Variants in EIF3B observed in about 807,000 individuals in gnomAD.
EIF3B encodes the protein eukaryotic translation initiation factor 3 subunit 9.
A neutral mutation model predicts 104.6 loss-of-function variants in EIF3B; 10 were observed. The observed-to-expected ratio is 0.10, with a 90% CI of 0.06 to 0.16. EIF3B has a LOEUF of 0.16. EIF3B is among the 10% of genes least tolerant of loss of function. The pLI, the probability that EIF3B is intolerant of heterozygous loss-of-function variation, is 1.00. For synonymous variants in EIF3B, 542 were observed against 417.2 expected (o/e 1.30, Z -3.65); for missense variants, 1,014 against 1,087.9 (o/e 0.93, Z 0.96).
chr7:2,368,213 G>T (rs1394457576), intron 9 of EIF3B, among the ~76,000 whole-genome samples: 1 of 152,128 alleles, frequency 6.6e-6, no homozygotes, highest in Non-Finnish European at 1.5e-5. Flanking sequence ...CGTGATCTCG[G>T]CTGACTGCAG....
rs967142279 is a variant in EIF3B at position 2,380,629 on chromosome 7, C to T, written c.*440C>T. ...CATCCCCATTGCGGGCAGTGCTGGA[C>T]GTGTCCCGGAGACCCACCGGGAGGG... is the stretch of plus-strand genomic sequence containing the variant. On this transcript the variant is annotated 3_prime_UTR_variant, in exon 19 of 19. Coordinates refer to ENST00000360876, the MANE Select transcript of EIF3B (RefSeq NM_001037283.2). 22 of 291,372 alleles carry T rather than the reference C, an allele frequency of 7.6e-5. No homozygotes were observed. The highest frequency in any genetic ancestry group is 3.6e-4 in the Admixed American group (8 of 22,362). The allele number at this position is 291,372 out of a possible 1,614,324, so 18.0% of individuals were successfully genotyped here.
intron 6 of EIF3B, among the ~76,000 whole-genome samples, chr7:2,365,433 G>A (rs1023482741): frequency 3.3e-5 from 5 of 152,184 alleles, no homozygotes; most frequent in South Asian, 2.1e-4. Flanking sequence ...AGTGCGAGGC[G>A]AGCTGGGGCC....
chr7:2,380,664 G>A lies in EIF3B; in HGVS notation c.*475G>A. 1 of 229,600 alleles carries A rather than the reference G, an allele frequency of 4.4e-6. No individual in the cohort carries two copies. Among genetic ancestry groups the A allele is most frequent in the South Asian group, 4.3e-5 (1 of 23,036 alleles). 14.2% of individuals were successfully genotyped at this position (229,600 alleles called of 1,614,324 possible). ...AGACCCACCGGGAGGGCGCCGCCATGCCTTGTACCCCCACCGTGCAGGTTG... is the reference window on the plus strand; with the variant it reads ...AGACCCACCGGGAGGGCGCCGCCATACCTTGTACCCCCACCGTGCAGGTTG... On this transcript the variant is annotated 3_prime_UTR_variant, in exon 19 of 19. Coordinates refer to ENST00000360876, the MANE Select transcript of EIF3B (RefSeq NM_001037283.2).
intron 8 of EIF3B, 164 bp from the exon 9 acceptor site, chr7:2,366,835 T>A (rs1178480850): frequency 2.6e-5 from 22 of 844,146 alleles, no homozygotes; most frequent in Admixed American, 1.2e-4. Flanking sequence ...AGAACTGCAG[T>A]TCTGGGTGGC....
intron 14 of EIF3B, 131 bp downstream of exon 14, chr7:2,375,658 T>A: frequency 7.5e-7 from 1 of 1,329,018 alleles, no homozygotes; most frequent in Non-Finnish European, 1.0e-6. Flanking sequence ...AAGCCTTGGC[T>A]GGTGTTAGTG....
intron 2 of EIF3B, among the ~76,000 whole-genome samples, chr7:2,361,218 C>G (rs1779708529): frequency 6.6e-6 from 1 of 152,138 alleles, no homozygotes; most frequent in South Asian, 2.1e-4. Context: ...GATAACGTAG[C>G]TGTACTCCAG....
At chr7:2,360,571 G>T in intron 1 of EIF3B, 139 bp from the exon 2 acceptor site, 1 of 649,896 alleles carries the variant, frequency 1.5e-6, no homozygotes, top group South Asian at 2.5e-5. Flanking sequence ...AACAAGCTAG[G>T]GTTAGGATTT....
At position 2,360,764 on chromosome 7, in the gene EIF3B, C is replaced by T. The variant is rs776147143; in HGVS notation, c.554C>T (p.Ser185Leu). The change falls in exon 2 of 19, where the codon TCG (serine) becomes TTG (leucine). Residue 185 changes from serine to leucine, a missense_variant. Around this residue, in one of 4 missense-constraint regions of EIF3B, gnomAD observed 488 missense variants for 404.3 expected, o/e 1.21. Transcript: ENST00000360876. ...CCCCAGGAAGCAGATGGAATCGATTCGGTGATTGTAGTGGACAATGTCCCT... is the reference window on the plus strand; with the variant it reads ...CCCCAGGAAGCAGATGGAATCGATTTGGTGATTGTAGTGGACAATGTCCCT... ...DRPQEADGIDSVIVVDNVPQV... is the reference protein window; with the variant it reads ...DRPQEADGIDLVIVVDNVPQV... 5.6e-6 allele frequency: 9 copies of T among 1,602,426 alleles called. No individual in the cohort carries two copies. Among genetic ancestry groups the T allele is most frequent in the Non-Finnish European group, 7.7e-6 (9 of 1,170,388 alleles).
chr7:2,365,739 G>A lies in EIF3B; in HGVS notation c.1158-578G>A, dbSNP rs1279505698. On this transcript the variant is annotated intron_variant, in intron 6 of 18. Coordinates refer to ENST00000360876, the MANE Select transcript of EIF3B (RefSeq NM_001037283.2). ...CGCCCAGACTGGAATGTAGTGGCAC[G>A]ATACCAGTTCACTGCAACCTCCACC... Among the ~76,000 whole-genome samples, 4 of 147,918 alleles carry A rather than the reference G, an allele frequency of 2.7e-5. No homozygotes were observed. The South Asian group carries it at 8.5e-4, about 31-fold the overall frequency.
At position 2,355,383 on chromosome 7, in the gene EIF3B, CGACCCCGAG is replaced by C; in HGVS notation, c.466_474del (p.Pro156_Asp158del). 1 of 1,524,866 alleles carries C rather than the reference CGACCCCGAG, an allele frequency of 6.6e-7. No homozygotes were observed. Among genetic ancestry groups the C allele is most frequent in the African/African-American group, 1.4e-5 (1 of 72,084 alleles). 94.5% of individuals were successfully genotyped at this position (1,524,866 alleles called of 1,614,324 possible). ...GCGACGCGGACGAGCCCTCCTTCAG[CGACCCCGAG>C]GACTTCGTGGACGACGTGAGCGAGG... On this transcript the variant is annotated inframe_deletion, in exon 1 of 19. Transcript: ENST00000360876.
In EIF3B at chr7:2,364,450, T is replaced by TG. The variant is rs764010445; in HGVS notation, c.1085dup (p.Glu363ArgfsTer18). On this transcript the variant is annotated frameshift_variant, in exon 6 of 19. Coordinates refer to ENST00000360876, the MANE Select transcript of EIF3B (RefSeq NM_001037283.2). LOFTEE classifies it high-confidence loss of function. ...CTTTCATCAAAGAGGCATTGCTCTA[T>TG]GGGGGGGAGAGAAATTCAAGCAAAT... 2 of 1,613,112 alleles carry TG rather than the reference T, an allele frequency of 1.2e-6. No homozygotes were observed.
At chr7:2,373,431 G>A (rs1281141644) in intron 12 of EIF3B, 1 of 152,484 alleles carries the variant, frequency 6.6e-6, no homozygotes, top group African/African-American at 2.4e-5. Flanking sequence ...CCAGGAGGTG[G>A]CGATGGGCTG....
chr7:2,365,810 G>A lies in EIF3B; in HGVS notation c.1158-507G>A, dbSNP rs577600332. ...CCTGCCTCAGCCTCCTGAGTAGCTG[G>A]GATTACAAGTGCCTGCCACCACGCC... On this transcript the variant is annotated intron_variant, in intron 6 of 18. Coordinates refer to ENST00000360876, the MANE Select transcript of EIF3B (RefSeq NM_001037283.2). Among the ~76,000 whole-genome samples the A allele has an allele frequency of 9.9e-5, 15 of 152,008 alleles. 1 individual carries two copies. Among genetic ancestry groups the A allele is most frequent in the Admixed American group, 5.2e-4 (8 of 15,258 alleles).
At position 2,371,737 on chromosome 7, in the gene EIF3B, C is replaced by G. The variant is rs994990467; in HGVS notation, c.1615-40C>G. 2.8e-6 allele frequency: 4 copies of G among 1,434,136 alleles called. No individual in the cohort carries two copies. In the African/African-American group the frequency reaches 5.6e-5, roughly 20 times the overall value. 88.8% of individuals were successfully genotyped at this position (1,434,136 alleles called of 1,614,324 possible). A position where few individuals can be genotyped will look rare whatever the true frequency, so the allele number is the denominator to read the frequency against. Reference sequence around the variant, plus strand: ...ATTTAAACCTTTTCTCATATTTTCACTGTCCAGAATGTCACCCCTTCCCCC... The same window carrying G: ...ATTTAAACCTTTTCTCATATTTTCAGTGTCCAGAATGTCACCCCTTCCCCC... On this transcript the variant is annotated intron_variant, in intron 10 of 18. Transcript: ENST00000360876.
rs905096445 is a variant in EIF3B, at chr7:2,362,626, A to G, written c.693-19A>G. 4 of 1,614,040 alleles carry G rather than the reference A, an allele frequency of 2.5e-6. No homozygotes were observed. The highest frequency in any genetic ancestry group is 2.7e-5 in the African/African-American group (2 of 75,046). ...AGCCTTACAGTGTGGGTATGTGCCA[A>G]CGGCCCTCTCTCACTCAGGTATATT... On this transcript the variant is annotated intron_variant, in intron 2 of 18. Transcript: ENST00000360876.
chr7:2,362,868 C>G, intron 3 of EIF3B, 104 bp downstream of exon 3: 1 of 1,543,480 alleles, frequency 6.5e-7, no homozygotes, highest in South Asian at 1.2e-5. Flanking sequence ...TCAGATTGTT[C>G]ACATCCTTTC....
chr7:2,370,205 A>G (rs1276852340), intron 10 of EIF3B, among the ~76,000 whole-genome samples: 1 of 152,032 alleles, frequency 6.6e-6, no homozygotes. Flanking sequence ...GGCTGGGTGT[A>G]GTGGCCCATG....
At chr7:2,354,793 C>CG (rs1562470035), upstream of EIF3B, 4 of 936,256 alleles carry the variant, frequency 4.3e-6, no homozygotes, top group African/African-American at 5.3e-5. Flanking sequence ...CCCCCCGCCC[C>CG]GCGGCCTTGG....
chr7:2,372,070 G>T, intron 11 of EIF3B: 1 of 517,842 alleles, frequency 1.9e-6, no homozygotes, highest in Non-Finnish European at 3.5e-6. Context: ...AGCCAGGTGT[G>T]GTGGTGCGCA....
Sources: allele counts gnomAD v4.1 joint callset (sites outside exome capture counted in the v4.1 genomes callset), GRCh38; gene constraint gnomAD v4.1.1; regional missense constraint gnomAD v4.1.1; transcripts MANE v1.5; gene names NCBI Gene and HGNC (gene_info 2026-07-23, HGNC 2026-07-21).